NDUFS4: variants seen among roughly 807,000 people sequenced by gnomAD.
The protein encoded by NDUFS4 is NADH dehydrogenase [ubiquinone] iron-sulfur protein 4, mitochondrial.
In NDUFS4, 28 loss-of-function variants were observed where a neutral mutation model predicts 24.3. The ratio of observed to expected loss-of-function variants is 1.15; its 90% CI spans 0.85 to 1.58. NDUFS4 has a LOEUF of 1.58. Among genes scored for constraint, NDUFS4 ranks in the 40% most tolerant of loss-of-function variants. NDUFS4 has a pLI of 0.00. For synonymous variants in NDUFS4, 93 were observed against 69.7 expected, an observed-to-expected ratio of 1.34 and a Z score of -1.67; for missense variants, 223 against 207.9, an observed-to-expected ratio of 1.07 and a Z score of -0.45.
At chr5:53,680,852 A>T (rs571573009) in intron 4 of NDUFS4, among the ~76,000 whole-genome samples, 92 of 152,198 alleles carry the variant, frequency 6.0e-4, no homozygotes, top group Non-Finnish European at 1.1e-3. Flanking sequence ...ATAATAATAA[A>T]AAAATACATT....
chr5:53,565,346 C>T (rs1318711692), intron 1 of NDUFS4, among the ~76,000 whole-genome samples: 1 of 152,218 alleles, frequency 6.6e-6, no homozygotes, highest in Non-Finnish European at 1.5e-5. Context: ...TTTATATACA[C>T]TCATATTTGC....
chr5:53,681,664 ATT>A (rs1447975129), intron 4 of NDUFS4, among the ~76,000 whole-genome samples: 2 of 151,918 alleles, frequency 1.3e-5, no homozygotes, highest in Non-Finnish European at 2.9e-5. Flanking sequence ...GTAAATTAAT[ATT>A]TTCTCTCCTG....
intron 2 of NDUFS4, among the ~76,000 whole-genome samples, chr5:53,631,151 G>A (rs1006569174): frequency 6.6e-6 from 1 of 152,158 alleles, no homozygotes; most frequent in Non-Finnish European, 1.5e-5. Flanking sequence ...TCAGCTGCAG[G>A]TCAGTTGGAG....
chr5:53,636,273 C>T (rs934082906), intron 2 of NDUFS4, among the ~76,000 whole-genome samples: 2 of 152,172 alleles, frequency 1.3e-5, no homozygotes, highest in Admixed American at 1.3e-4. Context: ...AGGTTGTCTA[C>T]ACATGAGTTG....
chr5:53,563,236 C>CAA (rs906204561), intron 1 of NDUFS4, among the ~76,000 whole-genome samples: 5,686 of 105,002 alleles, frequency 0.054, 125 homozygotes, highest in Middle Eastern at 0.11. Context: ...CTCAAAAAAA[C>CAA]AAAAAAAAAA....
At chr5:53,674,304 T>TCCAC (rs1740384130) in intron 4 of NDUFS4, among the ~76,000 whole-genome samples, 1 of 152,204 alleles carries the variant, frequency 6.6e-6, no homozygotes, top group South Asian at 2.1e-4. Context: ...TCTGTGATAT[T>TCCAC]CCTTGCCTCT....
intron 4 of NDUFS4, among the ~76,000 whole-genome samples, chr5:53,675,241 C>G (rs1243731494): frequency 6.9e-6 from 1 of 145,540 alleles, no homozygotes; most frequent in Non-Finnish European, 1.5e-5. Flanking sequence ...CAGCTCACTG[C>G]AAGCTCTGCC....
At chr5:53,663,741 G>A (rs1235990264) in intron 4 of NDUFS4, among the ~76,000 whole-genome samples, 4 of 152,040 alleles carry the variant, frequency 2.6e-5, no homozygotes, top group Admixed American at 2.6e-4. Flanking sequence ...CTCATGAGAT[G>A]GGTTTCCTGA....
chr5:53,663,298 G>A (rs554421603), intron 4 of NDUFS4, among the ~76,000 whole-genome samples: 1 of 152,188 alleles, frequency 6.6e-6, no homozygotes, highest in Non-Finnish European at 1.5e-5. Context: ...TGAAAAAAAT[G>A]TATATTCTGT....
intron 2 of NDUFS4, among the ~76,000 whole-genome samples, chr5:53,630,559 T>C (rs1357867395): frequency 3.3e-5 from 5 of 152,206 alleles, no homozygotes; most frequent in Non-Finnish European, 4.4e-5. Flanking sequence ...CGTATATTTC[T>C]TGGAGGCTTT....
intron 4 of NDUFS4, among the ~76,000 whole-genome samples, chr5:53,679,804 G>A (rs1046131192): frequency 6.6e-6 from 1 of 152,106 alleles, no homozygotes; most frequent in Non-Finnish European, 1.5e-5. Flanking sequence ...GGTAATAAGA[G>A]GAGAGAGAAC....
chr5:53,656,513 A>C (rs1016830033), intron 3 of NDUFS4, among the ~76,000 whole-genome samples: 1 of 152,206 alleles, frequency 6.6e-6, no homozygotes, highest in Non-Finnish European at 1.5e-5. Context: ...TTCCATGTGC[A>C]GAGAGTAGGA....
intron 4 of NDUFS4, among the ~76,000 whole-genome samples, chr5:53,661,754 C>A (rs538325585): frequency 1.3e-5 from 2 of 151,448 alleles, no homozygotes; most frequent in East Asian, 1.9e-4. Flanking sequence ...GTATTTTATT[C>A]TCTTTGAAGC....
At chr5:53,662,768 C>T (rs755454108) in intron 4 of NDUFS4, among the ~76,000 whole-genome samples, 2 of 142,382 alleles carry the variant, frequency 1.4e-5, no homozygotes, top group Non-Finnish European at 3.0e-5. Flanking sequence ...TCTAGATTTT[C>T]TAATTTATTT....
intron 2 of NDUFS4, among the ~76,000 whole-genome samples, chr5:53,624,689 A>G (rs539930184): frequency 1.1e-4 from 16 of 152,124 alleles, no homozygotes; most frequent in Non-Finnish European, 2.1e-4. Context: ...TATATTTGCA[A>G]CCTTGGTGAA....
At chr5:53,622,577 T>A (rs1751080967) in intron 2 of NDUFS4, among the ~76,000 whole-genome samples, 1 of 152,130 alleles carries the variant, frequency 6.6e-6, no homozygotes. Context: ...CATTTCTAAA[T>A]ACCATCACAT....
At position 53,683,260 on chromosome 5, in the gene NDUFS4, G is replaced by A. The variant is rs1454152258; in HGVS notation, c.*39G>A. The A allele has an allele frequency of 2.1e-6, 3 of 1,405,040 alleles. No homozygotes were observed. The highest frequency in any genetic ancestry group is 3.0e-6 in the Non-Finnish European group (3 of 990,332). The allele number at this position is 1,405,040 out of a possible 1,614,324, so 87.0% of individuals were successfully genotyped here. On this transcript the variant is annotated 3_prime_UTR_variant, in exon 5 of 5. Coordinates refer to ENST00000296684, the MANE Select transcript of NDUFS4 (RefSeq NM_002495.4). ...ATATCTCTGCTTGACTGTGAATAAA[G>A]TCAGCTGTGCAGTATTTATAGTCCA...
rs374491359 is a variant in NDUFS4, at chr5:53,646,306, G to A, written c.251G>A (p.Arg84His). The A allele has an allele frequency of 2.3e-5, 37 of 1,613,222 alleles. No individual in the cohort carries two copies. The highest frequency in any genetic ancestry group is 1.2e-4 in the Admixed American group (7 of 59,960). The change falls in exon 3 of 5, where the codon CGC (arginine) becomes CAC (histidine). Residue 84 changes from arginine to histidine, a missense_variant. Transcript: ENST00000296684. ...TRKVRIFVPARNNMQSGVNNT... is the reference protein window; with the variant it reads ...TRKVRIFVPAHNNMQSGVNNT... The stretch of plus-strand genomic sequence containing the variant: ...AAAGTCAGGATCTTTGTTCCTGCTC[G>A]CAATAACATGCAGTCTGGAGTAAAC...
chr5:53,662,824 G>C (rs116516473), intron 4 of NDUFS4, among the ~76,000 whole-genome samples: 5,006 of 151,932 alleles, frequency 0.033, 291 homozygotes, highest in African/African-American at 0.11. Context: ...ACTAAGATCA[G>C]TTCTGCCCTG....
Sources: gnomAD v4.1 joint callset for allele counts (sites outside exome capture counted in the v4.1 genomes callset) on GRCh38, gnomAD v4.1.1 for gene constraint, MANE v1.5 for transcripts, NCBI Gene and HGNC (gene_info 2026-07-23, HGNC 2026-07-21) for gene names.